The following GALNT13 variants were observed in gnomAD, a reference collection of about 807,000 sequenced individuals.
GALNT13 encodes the protein polypeptide N-acetylgalactosaminyltransferase 13.
Under a neutral mutation model 64.2 loss-of-function variants are expected in GALNT13, and 28 were observed. That is an observed-to-expected ratio of 0.44 (90% CI 0.32 to 0.60). GALNT13 has a LOEUF of 0.60. Ranked by LOEUF, GALNT13 falls within the 20% of genes least tolerant of loss-of-function variation. The pLI is 0.05. For synonymous variants in GALNT13, 214 were observed against 224.6 expected (o/e 0.95, Z 0.42); for missense variants, 577 against 669.8 (o/e 0.86, Z 1.53).
intron 3 of GALNT13, among the ~76,000 whole-genome samples, chr2:154,105,295 A>G (rs949223598): frequency 1.3e-5 from 2 of 152,148 alleles, no homozygotes; most frequent in African/African-American, 4.8e-5. Context: ...TACTTTTGAA[A>G]ATAGTCATGT....
At chr2:154,216,966 T>A (rs911932432) in intron 4 of GALNT13, among the ~76,000 whole-genome samples, 2 of 151,452 alleles carry the variant, frequency 1.3e-5, no homozygotes, top group African/African-American at 4.9e-5. Context: ...TTTTTTTTTT[T>A]TATTTTTTTA....
chr2:153,956,935 A>G (rs983617584), intron 3 of GALNT13, among the ~76,000 whole-genome samples: 17 of 152,182 alleles, frequency 1.1e-4, no homozygotes, highest in Non-Finnish European at 1.6e-4. Flanking sequence ...CCAAGTTGCT[A>G]TGCAAATCTA....
At chr2:153,514,675 T>C in the GALNT13 span, among the ~76,000 whole-genome samples, 1 of 152,152 alleles carries the variant, frequency 6.6e-6, no homozygotes, top group Non-Finnish European at 1.5e-5. Flanking sequence ...TCCTCTTCAT[T>C]ATCCAGGTGC....
At chr2:154,112,876 G>A (rs867304701) in intron 3 of GALNT13, among the ~76,000 whole-genome samples, 1 of 152,184 alleles carries the variant, frequency 6.6e-6, no homozygotes, top group Non-Finnish European at 1.5e-5. Flanking sequence ...GGGGAGAGAA[G>A]GCAGGGTGGC....
chr2:153,212,644 A>C, the GALNT13 span, among the ~76,000 whole-genome samples: 1 of 152,194 alleles, frequency 6.6e-6, no homozygotes, highest in African/African-American at 2.4e-5. Context: ...GCTATTTTTA[A>C]GTGAAAAATT....
chr2:153,791,826 G>T, the GALNT13 span, among the ~76,000 whole-genome samples: 1 of 152,166 alleles, frequency 6.6e-6, no homozygotes, highest in African/African-American at 2.4e-5. Flanking sequence ...TGCAGGAATA[G>T]AAAACCAAAT....
intron 9 of GALNT13, among the ~76,000 whole-genome samples, chr2:154,310,417 A>T (rs940827585): frequency 6.6e-6 from 1 of 152,176 alleles, no homozygotes; most frequent in Non-Finnish European, 1.5e-5. Context: ...ATGCATTTAC[A>T]TACATATACA....
the GALNT13 span, among the ~76,000 whole-genome samples, chr2:153,796,294 A>G: frequency 3.3e-5 from 5 of 152,180 alleles, no homozygotes; most frequent in African/African-American, 1.2e-4. Context: ...AAAACACAAG[A>G]GTGGGGAGCA....
chr2:154,242,484 C>T (rs891683567), intron 5 of GALNT13, among the ~76,000 whole-genome samples: 3 of 151,968 alleles, frequency 2.0e-5, no homozygotes, highest in African/African-American at 7.3e-5. Flanking sequence ...TTTTCCAACT[C>T]AATTGATTAT....
intron 4 of GALNT13, among the ~76,000 whole-genome samples, chr2:154,237,387 C>T (rs1689247275): frequency 6.6e-6 from 1 of 151,114 alleles, no homozygotes; most frequent in South Asian, 2.1e-4. Flanking sequence ...GATTATTAGC[C>T]AAGTTCTATC....
the GALNT13 span, among the ~76,000 whole-genome samples, chr2:153,425,311 G>T: frequency 6.6e-6 from 1 of 151,472 alleles, no homozygotes; most frequent in Admixed American, 6.6e-5. Context: ...TCCTTTGTTT[G>T]CAATATTTTA....
At chr2:153,570,249 C>G in the GALNT13 span, among the ~76,000 whole-genome samples, 1 of 152,036 alleles carries the variant, frequency 6.6e-6, no homozygotes, top group Non-Finnish European at 1.5e-5. Flanking sequence ...GTCTTCTTCT[C>G]TTGATAAATG....
intron 3 of GALNT13, among the ~76,000 whole-genome samples, chr2:154,041,986 A>T (rs974633160): frequency 7.1e-6 from 1 of 140,584 alleles, no homozygotes; most frequent in African/African-American, 2.4e-5. Flanking sequence ...AACTAAAATT[A>T]ATTTAGGTGT....
At chr2:154,390,514 A>G (rs1698738338) in intron 9 of GALNT13, among the ~76,000 whole-genome samples, 1 of 152,202 alleles carries the variant, frequency 6.6e-6, no homozygotes, top group South Asian at 2.1e-4. Flanking sequence ...TTTGCTAAGG[A>G]TAATGGCTTC....
intron 4 of GALNT13, among the ~76,000 whole-genome samples, chr2:154,215,064 A>G (rs574685258): frequency 6.6e-6 from 1 of 152,322 alleles, no homozygotes; most frequent in East Asian, 1.9e-4. Context: ...TTCTGCAACC[A>G]TATTTGAAGA....
intron 10 of GALNT13, among the ~76,000 whole-genome samples, chr2:154,398,022 C>T (rs917118356): frequency 6.6e-6 from 1 of 152,168 alleles, no homozygotes; most frequent in African/African-American, 2.4e-5. Context: ...AAATATACTA[C>T]AGTGCTTTTT....
At chr2:153,859,205 G>A in the GALNT13 span, among the ~76,000 whole-genome samples, 1 of 152,140 alleles carries the variant, frequency 6.6e-6, no homozygotes, top group Non-Finnish European at 1.5e-5. Flanking sequence ...GGCAAAGTAG[G>A]TTCAATTTTT....
intron 12 of GALNT13, among the ~76,000 whole-genome samples, chr2:154,448,452 T>C (rs1701706574): frequency 6.6e-6 from 1 of 152,018 alleles, no homozygotes; most frequent in South Asian, 2.1e-4. Flanking sequence ...CTCAGAATAA[T>C]TTGAAACATG....
the GALNT13 span, among the ~76,000 whole-genome samples, chr2:153,446,155 T>C: frequency 6.6e-6 from 1 of 152,114 alleles, no homozygotes; most frequent in Admixed American, 6.5e-5. Flanking sequence ...GAGCAGAAGA[T>C]TGTAGATTTA....
Sources: gnomAD v4.1 joint callset for allele counts (sites outside exome capture counted in the v4.1 genomes callset) on GRCh38, gnomAD v4.1.1 for gene constraint, MANE v1.5 for transcripts, NCBI Gene and HGNC (gene_info 2026-07-23, HGNC 2026-07-21) for gene names.